Variants in CACNA1E observed in about 807,000 individuals in gnomAD.
CACNA1E encodes the protein voltage-dependent R-type calcium channel subunit alpha-1E.
A neutral mutation model predicts 259.2 loss-of-function variants in CACNA1E; 40 were observed. The observed-to-expected ratio is 0.15, with a 90% CI of 0.12 to 0.20. The LOEUF (loss-of-function observed/expected upper bound fraction) is 0.20. CACNA1E is among the 10% of genes least tolerant of loss of function. The pLI is 1.00. For missense variants in CACNA1E, 1,874 were observed against 3,040.1 expected, an observed-to-expected ratio of 0.62 and a Z score of 9.02; for synonymous variants, 1,104 against 1,138.5, an observed-to-expected ratio of 0.97 and a Z score of 0.61.
chr1:181,716,705 A>T (rs1300810988), intron 10 of CACNA1E, among the ~76,000 whole-genome samples: 1 of 152,264 alleles, frequency 6.6e-6, no homozygotes, highest in South Asian at 2.1e-4. Flanking sequence ...GAAGAGACTT[A>T]CAAAGCTCAT....
chr1:181,609,276 A>G (rs1161594544), intron 6 of CACNA1E, among the ~76,000 whole-genome samples: 2 of 152,214 alleles, frequency 1.3e-5, no homozygotes, highest in African/African-American at 4.8e-5. Context: ...AATAAAACAT[A>G]ACTGCAGGGA....
chr1:181,378,869 T>G (rs567090875), intron 1 of CACNA1E, among the ~76,000 whole-genome samples: 3 of 152,300 alleles, frequency 2.0e-5, no homozygotes, highest in Admixed American at 6.5e-5. Flanking sequence ...CTGAAGTGTT[T>G]CCAAGTAATT....
chr1:181,440,575 T>C (rs1025456685), intron 2 of CACNA1E, among the ~76,000 whole-genome samples: 1 of 152,064 alleles, frequency 6.6e-6, no homozygotes, highest in African/African-American at 2.4e-5. Context: ...AGGGTTGATG[T>C]TGATTACTGA....
chr1:181,577,758 G>C lies in CACNA1E; in HGVS notation c.513-8G>C, dbSNP rs1371669742. The C allele has an allele frequency of 1.3e-6, 2 of 1,589,326 alleles. No homozygotes were observed. The highest frequency in any genetic ancestry group is 8.6e-7 in the Non-Finnish European group (1 of 1,163,494). On this transcript the variant is annotated splice_region_variant and splice_polypyrimidine_tract_variant and intron_variant, in intron 3 of 47. Coordinates refer to ENST00000367573, the MANE Select transcript of CACNA1E (RefSeq NM_001205293.3). ...GTAACCTTGACCCTTCTGTGTCTCTGTCTGCAGCATCCTGGCCACTGCAGG... is the reference window on the plus strand; with the variant it reads ...GTAACCTTGACCCTTCTGTGTCTCTCTCTGCAGCATCCTGGCCACTGCAGG...
chr1:181,665,645 G>A (rs1324001669), intron 7 of CACNA1E, among the ~76,000 whole-genome samples: 2 of 152,232 alleles, frequency 1.3e-5, no homozygotes. Flanking sequence ...CATGCATGAA[G>A]TGATGGATAT....
chr1:181,444,390 A>C (rs1325177736), intron 2 of CACNA1E, among the ~76,000 whole-genome samples: 1 of 152,060 alleles, frequency 6.6e-6, no homozygotes, highest in African/African-American at 2.4e-5. Context: ...AAGGAGAGGT[A>C]AAAGAGAGGG....
At chr1:181,589,933 C>T (rs186950074) in intron 6 of CACNA1E, among the ~76,000 whole-genome samples, 21 of 152,250 alleles carry the variant, frequency 1.4e-4, no homozygotes, top group Admixed American at 5.9e-4. Flanking sequence ...GGCTCAGAAA[C>T]TGACTTGAAA....
chr1:181,448,561 G>A (rs1428325761), intron 2 of CACNA1E, among the ~76,000 whole-genome samples: 1 of 152,198 alleles, frequency 6.6e-6, no homozygotes, highest in African/African-American at 2.4e-5. Context: ...CTCCAGGTTC[G>A]TTATAGTCTG....
chr1:181,669,118 A>G, intron 7 of CACNA1E: 1 of 152,208 alleles, frequency 6.6e-6, no homozygotes, highest in East Asian at 1.9e-4. Flanking sequence ...AATAAACAAC[A>G]AAACTAACAT....
In CACNA1E at chr1:181,716,114, G is replaced by C; in HGVS notation, c.1300G>C (p.Asp434His). ...TRDSSDEHCVDISSVGTPLAR... is the reference protein window; with the variant it reads ...TRDSSDEHCVHISSVGTPLAR... The stretch of plus-strand genomic sequence containing the variant: ...AGACTCCAGTGATGAGCACTGTGTT[G>C]ATATCTCCTCTGTGGGTGAGTGGAT... Residue 434 changes from aspartate to histidine, a missense_variant, in exon 10 of 48, where the codon GAT becomes CAT. Asp to His is a moderately conservative substitution (Grantham distance 81, BLOSUM62 -1). Around this residue, in one of 14 missense-constraint regions of CACNA1E, gnomAD observed 157 missense variants for 203.5 expected, o/e 0.77. Transcript: ENST00000367573. The C allele has an allele frequency of 6.4e-7, 1 of 1,563,284 alleles. No homozygotes were observed. The highest frequency in any genetic ancestry group is 8.7e-7 in the Non-Finnish European group (1 of 1,152,214).
At chr1:181,629,298 G>A (rs1485637653) in intron 6 of CACNA1E, among the ~76,000 whole-genome samples, 2 of 152,162 alleles carry the variant, frequency 1.3e-5, no homozygotes, top group East Asian at 3.9e-4. Context: ...AGTGAGTTGT[G>A]GGGAAAAGTT....
upstream of CACNA1E, among the ~76,000 whole-genome samples, chr1:181,481,708 G>C (rs1015799573): frequency 3.3e-5 from 5 of 152,188 alleles, no homozygotes; most frequent in Admixed American, 6.5e-5. Context: ...GGGGACAGCT[G>C]GTCCCTGCCC....
chr1:181,483,487 TTTTTTTCTTTTTTC>T (rs746537577), upstream of CACNA1E: 1 of 333,248 alleles, frequency 3.0e-6, no homozygotes, highest in Non-Finnish European at 5.4e-6. Flanking sequence ...CCACCCGCTT[TTTTTTTCTTTTTTC>T]TTTTTTTTTT....
At position 181,776,249 on chromosome 1, in the gene CACNA1E, C is replaced by T. The variant is rs1179330792; in HGVS notation, c.5267+21C>T. On this transcript the variant is annotated intron_variant, in intron 38 of 47. Transcript: ENST00000367573. This position sits in a 1 kb window ranked among gnomAD's most constrained non-coding sequence, Gnocchi z 4.4. Reference sequence around the variant, plus strand: ...GCATGGTGCGTAGGCCCCTCGGCCGCCCCAGCGGGGCCCAGAGCAAAGGTC... The same window carrying T: ...GCATGGTGCGTAGGCCCCTCGGCCGTCCCAGCGGGGCCCAGAGCAAAGGTC... The T allele has an allele frequency of 1.2e-6, 2 of 1,613,442 alleles. No homozygotes were observed. The highest frequency in any genetic ancestry group is 1.3e-5 in the African/African-American group (1 of 75,044).
chr1:181,457,489 C>T lies in CACNA1E; in HGVS notation c.435-26255C>T, dbSNP rs189241133. On this transcript the variant is annotated intron_variant, in intron 2 of 11. Coordinates refer to the CACNA1E transcript ENST00000524607. ...TTCCTTACAAGTGGAGTGACTCCCGCGTTGGTGACAAGAGGGCATGGATGA... is the reference window on the plus strand; with the variant it reads ...TTCCTTACAAGTGGAGTGACTCCCGTGTTGGTGACAAGAGGGCATGGATGA... Among the ~76,000 whole-genome samples the T allele has an allele frequency of 4.1e-3, 623 of 152,326 alleles. 3 individuals carry two copies. The highest frequency in any genetic ancestry group is 0.014 in the African/African-American group (591 of 41,576).
intron 3 of CACNA1E, among the ~76,000 whole-genome samples, chr1:181,567,605 T>C (rs971926189): frequency 6.6e-6 from 1 of 152,336 alleles, no homozygotes; most frequent in East Asian, 1.9e-4. Flanking sequence ...TGTTGTTGCT[T>C]CAGGTAGCAT....
intron 1 of CACNA1E, among the ~76,000 whole-genome samples, chr1:181,346,526 G>A (rs1652604573): frequency 6.6e-6 from 1 of 152,106 alleles, no homozygotes; most frequent in Non-Finnish European, 1.5e-5. Context: ...TCACTTGTAG[G>A]CTACATTATA....
intron 2 of CACNA1E, among the ~76,000 whole-genome samples, chr1:181,423,617 C>T (rs1340769446): frequency 6.6e-6 from 1 of 151,238 alleles, no homozygotes; most frequent in Non-Finnish European, 1.5e-5. Flanking sequence ...CAACACCTGT[C>T]TCAACCTTGA....
At chr1:181,731,828 C>T (rs1281123653) in intron 19 of CACNA1E, among the ~76,000 whole-genome samples, 1 of 151,976 alleles carries the variant, frequency 6.6e-6, no homozygotes, top group African/African-American at 2.4e-5. Context: ...GGAAGAGACT[C>T]CTAGCACTCT....
Sources: gnomAD v4.1 joint callset for allele counts (sites outside exome capture counted in the v4.1 genomes callset) on GRCh38, gnomAD v4.1.1 for gene constraint, gnomAD v4.1.1 regional missense constraint, Gnocchi (gnomAD v3.1) non-coding constraint, MANE v1.5 for transcripts, NCBI Gene and HGNC (gene_info 2026-07-23, HGNC 2026-07-21) for gene names.